Variants in FOXP2 observed in about 807,000 individuals in gnomAD.
FOXP2 encodes forkhead box protein P2.
FOXP2 carries 12 observed loss-of-function variants against 115.8 expected under a neutral mutation model. That is an observed-to-expected ratio of 0.10 (90% CI 0.07 to 0.17). FOXP2 has a LOEUF of 0.17. Ranked by LOEUF, FOXP2 falls within the 10% of genes least tolerant of loss-of-function variation. The probability of loss-of-function intolerance (pLI) is 1.00; values close to 1 mark genes in which losing one functional copy is unlikely to be tolerated. For missense variants in FOXP2, 629 were observed against 843.5 expected (o/e 0.75, Z 3.15); for synonymous variants, 328 against 297.7 (o/e 1.10, Z -1.05).
intron 8 of FOXP2, among the ~76,000 whole-genome samples, chr7:114,650,493 A>G (rs941026583): frequency 6.6e-6 from 1 of 152,084 alleles, no homozygotes; most frequent in Non-Finnish European, 1.5e-5. Context: ...ACACAACTGT[A>G]TTATGCTGGT....
intron 1 of FOXP2, among the ~76,000 whole-genome samples, chr7:114,147,863 AAGG>A (rs1792417896): frequency 6.6e-6 from 1 of 152,104 alleles, no homozygotes; most frequent in East Asian, 1.9e-4. Flanking sequence ...GGAGGAGAGA[AAGG>A]AGGATAGAAT....
At chr7:114,090,186 T>TA (rs1799514354) in intron 1 of FOXP2, among the ~76,000 whole-genome samples, 2 of 152,046 alleles carry the variant, frequency 1.3e-5, no homozygotes, top group South Asian at 4.1e-4. Context: ...CATTAACTTG[T>TA]AAGAAGAGAA....
At chr7:114,132,879 T>C (rs902562396) in intron 1 of FOXP2, among the ~76,000 whole-genome samples, 9 of 152,116 alleles carry the variant, frequency 5.9e-5, no homozygotes, top group African/African-American at 9.7e-5. Context: ...GCCTTTTGGA[T>C]TATTCTAGGC....
intron 3 of FOXP2, among the ~76,000 whole-genome samples, chr7:114,602,701 A>AT (rs1179570312): frequency 6.6e-6 from 1 of 152,110 alleles, no homozygotes; most frequent in Non-Finnish European, 1.5e-5. Context: ...ATTTCAGTAT[A>AT]TTTTCCATGC....
intron 8 of FOXP2, among the ~76,000 whole-genome samples, chr7:114,647,859 A>G (rs973050843): frequency 6.6e-6 from 1 of 152,074 alleles, no homozygotes; most frequent in Non-Finnish European, 1.5e-5. Flanking sequence ...TTTAGCAGAC[A>G]AGTGTTCTTG....
At position 114,401,519 on chromosome 7, in the gene FOXP2, A is replaced by G. The variant is rs1177842379; in HGVS notation, c.-10-24983A>G. The stretch of plus-strand genomic sequence containing the variant: ...TATATTGCTTTATTTAAGTGCCCCA[A>G]TAATGCTGCTGGGTCGGCATTATCA... On this transcript the variant is annotated intron_variant, in intron 2 of 17. Coordinates refer to the FOXP2 transcript ENST00000634411. 1.7e-4 allele frequency among the ~76,000 whole-genome samples: 26 copies of G among 152,138 alleles called. 1 individual carries two copies. Among genetic ancestry groups the G allele is most frequent in the East Asian group, 3.9e-4 (2 of 5,176 alleles).
chr7:114,452,335 T>A (rs755985757), intron 2 of FOXP2, among the ~76,000 whole-genome samples: 1 of 151,982 alleles, frequency 6.6e-6, no homozygotes, highest in Non-Finnish European at 1.5e-5. Flanking sequence ...TAAAAAAAAA[T>A]CTTATTGGTA....
upstream of FOXP2, among the ~76,000 whole-genome samples, chr7:114,159,945 G>C (rs780277771): frequency 3.3e-5 from 5 of 152,176 alleles, no homozygotes; most frequent in African/African-American, 4.8e-5. Context: ...TGGAGGAAAA[G>C]TGTATGATTT....
intron 2 of FOXP2, among the ~76,000 whole-genome samples, chr7:114,504,643 GAA>G (rs1562964398): frequency 6.6e-6 from 1 of 151,430 alleles, no homozygotes; most frequent in African/African-American, 2.4e-5. Context: ...CCCAAAAAAA[GAA>G]AAAGAGTCAT....
chr7:114,120,484 G>A (rs1439754286), intron 1 of FOXP2, among the ~76,000 whole-genome samples: 8 of 152,088 alleles, frequency 5.3e-5, no homozygotes, highest in Admixed American at 2.6e-4. Context: ...AAGAAAGGGG[G>A]CAGGGAGATC....
intron 2 of FOXP2, among the ~76,000 whole-genome samples, chr7:114,519,383 G>A (rs951704553): frequency 6.6e-6 from 1 of 152,146 alleles, no homozygotes; most frequent in Non-Finnish European, 1.5e-5. Flanking sequence ...AGCTGTTGCA[G>A]ACTTTGTAAT....
intron 1 of FOXP2, among the ~76,000 whole-genome samples, chr7:114,151,364 A>T (rs1359381327): frequency 6.6e-6 from 1 of 152,140 alleles, no homozygotes; most frequent in South Asian, 2.1e-4. Flanking sequence ...TCAAATTTTC[A>T]TAATGAATTA....
chr7:114,442,804 A>AGCT (rs1416094623), intron 2 of FOXP2, among the ~76,000 whole-genome samples: 1 of 152,164 alleles, frequency 6.6e-6, no homozygotes, highest in Non-Finnish European at 1.5e-5. Context: ...ACCTCAATAC[A>AGCT]GCTGTTTATA....
intron 2 of FOXP2, among the ~76,000 whole-genome samples, chr7:114,484,115 C>T (rs1796672298): frequency 1.3e-5 from 2 of 151,812 alleles, no homozygotes; most frequent in South Asian, 4.2e-4. Flanking sequence ...GGGAAACACC[C>T]CCATTTTCAA....
chr7:114,478,114 C>T (rs1424940111), intron 2 of FOXP2, among the ~76,000 whole-genome samples: 1 of 151,736 alleles, frequency 6.6e-6, no homozygotes, highest in African/African-American at 2.4e-5. Context: ...AAACAAAGAG[C>T]ATCTAAGGAA....
intron 2 of FOXP2, among the ~76,000 whole-genome samples, chr7:114,458,848 A>T (rs1237651671): frequency 4.0e-5 from 6 of 151,852 alleles, no homozygotes; most frequent in Non-Finnish European, 7.4e-5. Flanking sequence ...ACCATACTAA[A>T]CTTAGTGGCC....
At chr7:114,145,476 C>CTTTTCTTTTA (rs1792344977) in intron 1 of FOXP2, among the ~76,000 whole-genome samples, 1 of 139,408 alleles carries the variant, frequency 7.2e-6, no homozygotes, top group Non-Finnish European at 1.5e-5. Flanking sequence ...CTTTTCTTTT[C>CTTTTCTTTTA]TTTTCTTTTC....
intron 3 of FOXP2, among the ~76,000 whole-genome samples, chr7:114,589,039 A>G (rs1802302199): frequency 6.6e-6 from 1 of 152,116 alleles, no homozygotes; most frequent in African/African-American, 2.4e-5. Context: ...TTTTCTATCT[A>G]TTGATTCTCT....
At chr7:114,562,402 A>G (rs1170585824) in intron 3 of FOXP2, among the ~76,000 whole-genome samples, 3 of 152,150 alleles carry the variant, frequency 2.0e-5, no homozygotes, top group Non-Finnish European at 4.4e-5. Context: ...CTTAAGTCAC[A>G]CCTGTTTCCC....
Sources: allele counts gnomAD v4.1 joint callset (sites outside exome capture counted in the v4.1 genomes callset), GRCh38; gene constraint gnomAD v4.1.1; transcripts MANE v1.5; gene names NCBI Gene and HGNC (gene_info 2026-07-23, HGNC 2026-07-21).